The following ELL2 variants were observed in gnomAD, a reference collection of about 807,000 sequenced individuals.
ELL2 encodes the protein RNA polymerase II elongation factor ELL2.
A neutral mutation model predicts 72.8 loss-of-function variants in ELL2; 21 were observed. The observed-to-expected ratio is 0.29, with a 90% CI of 0.20 to 0.42. The LOEUF is 0.42. ELL2 is among the 10% of genes least tolerant of loss of function. The pLI is 1.00. For synonymous variants in ELL2, 266 were observed against 283.2 expected (o/e 0.94, Z 0.61); for missense variants, 568 against 772.8 (o/e 0.73, Z 3.14).
At chr5:95,904,072 T>C (rs911458621) in intron 5 of ELL2, among the ~76,000 whole-genome samples, 1 of 142,370 alleles carries the variant, frequency 7.0e-6, no homozygotes, top group African/African-American at 2.7e-5. Flanking sequence ...AAGTCTTAAA[T>C]GCAGTCTAAA....
intron 10 of ELL2, among the ~76,000 whole-genome samples, chr5:95,889,355 T>C (rs1748576385): frequency 6.6e-6 from 1 of 152,230 alleles, no homozygotes; most frequent in African/African-American, 2.4e-5. Context: ...CCCCAGTGAA[T>C]GACACATATA....
chr5:95,908,685 T>A (rs1749468744), intron 4 of ELL2, among the ~76,000 whole-genome samples: 1 of 152,212 alleles, frequency 6.6e-6, no homozygotes. Flanking sequence ...ATCCACCATT[T>A]CCCAGTTGCA....
At chr5:95,950,228 G>A (rs889843685) in intron 1 of ELL2, among the ~76,000 whole-genome samples, 5 of 152,140 alleles carry the variant, frequency 3.3e-5, no homozygotes, top group Non-Finnish European at 5.9e-5. Flanking sequence ...GGATAAAATA[G>A]ATCATCTTTC....
At position 95,899,472 on chromosome 5, in the gene ELL2, C is replaced by T. The variant is rs1749044841; in HGVS notation, c.955-662G>A. 2.0e-5 allele frequency among the ~76,000 whole-genome samples: 3 copies of T among 151,248 alleles called. No individual in the cohort carries two copies. The South Asian group carries it at 6.3e-4, about 32-fold the overall frequency. On this transcript the variant is annotated intron_variant, in intron 7 of 11. Coordinates refer to ENST00000237853, the MANE Select transcript of ELL2 (RefSeq NM_012081.6). ...TATTTAATTTTTTTTTTTACCGTTA[C>T]ATATCTCTTTACCAGATTGGAAGAT...
chr5:95,949,390 A>T (rs1751290822), intron 1 of ELL2, among the ~76,000 whole-genome samples: 1 of 152,160 alleles, frequency 6.6e-6, no homozygotes, highest in South Asian at 2.1e-4. Flanking sequence ...CCTTATCAAC[A>T]ACTGTCAGTT....
intron 2 of ELL2, among the ~76,000 whole-genome samples, chr5:95,933,199 T>C (rs1207724175): frequency 1.3e-5 from 2 of 152,196 alleles, no homozygotes; most frequent in Non-Finnish European, 2.9e-5. Context: ...AGCAGCAGCT[T>C]TCTGGGGGTG....
intron 2 of ELL2, chr5:95,932,774 G>T (rs933406024): frequency 6.6e-6 from 1 of 152,014 alleles, no homozygotes; most frequent in African/African-American, 2.4e-5. Context: ...CAATGGTAAA[G>T]AAAAATGTCA....
chr5:95,921,721 T>C (rs560726181), intron 2 of ELL2, among the ~76,000 whole-genome samples: 5 of 152,322 alleles, frequency 3.3e-5, no homozygotes, highest in African/African-American at 1.2e-4. Context: ...TGTCTGCTTT[T>C]GTTTCTCTGG....
Position 95,885,217 on chromosome 5 carries a change from G to A in ELL2, c.*3654C>T, listed in dbSNP as rs904569291. On this transcript the variant is annotated 3_prime_UTR_variant, in exon 12 of 12. Transcript: ENST00000237853. ...ATTTTACCTTTGAGAGTCCTAACAC[G>A]GTTTGAGTGGAACAGCTGAGAAACA... 2.8e-4 allele frequency: 42 copies of A among 152,108 alleles called. No homozygotes were observed. Among genetic ancestry groups the A allele is most frequent in the Non-Finnish European group, 2.9e-5 (2 of 68,018 alleles). 9.4% of individuals were successfully genotyped at this position (152,108 alleles called of 1,614,324 possible). A position where few individuals can be genotyped will look rare whatever the true frequency, so the allele number is the denominator to read the frequency against.
intron 4 of ELL2, among the ~76,000 whole-genome samples, chr5:95,907,600 T>C (rs1749425321): frequency 6.6e-6 from 1 of 152,104 alleles, no homozygotes; most frequent in Admixed American, 6.6e-5. Flanking sequence ...TGTGTGAAGC[T>C]ATCCAGACAT....
chr5:95,931,002 C>G, intron 2 of ELL2, among the ~76,000 whole-genome samples: 1 of 152,122 alleles, frequency 6.6e-6, no homozygotes, highest in East Asian at 1.9e-4. Context: ...CTTTTTAAAA[C>G]GCTTTCTTTA....
At position 95,961,722 on chromosome 5, in the gene ELL2, C is replaced by T; in HGVS notation, c.-1G>A. On this transcript the variant is annotated 5_prime_UTR_variant, in exon 1 of 12. Coordinates refer to ENST00000237853, the MANE Select transcript of ELL2 (RefSeq NM_012081.6). ...GGCCCCCTGTCCCCCCCGCCGCCATCTTAAACTCCCCGGGGTGCCGCCGCC... is the reference window on the plus strand; with the variant it reads ...GGCCCCCTGTCCCCCCCGCCGCCATTTTAAACTCCCCGGGGTGCCGCCGCC... 6.2e-7 allele frequency: 1 copy of T among 1,603,106 alleles called. No individual in the cohort carries two copies. Among genetic ancestry groups the T allele is most frequent in the African/African-American group, 1.4e-5 (1 of 74,028 alleles).
At chr5:95,950,886 A>T (rs73771822) in intron 1 of ELL2, among the ~76,000 whole-genome samples, 1 of 71,544 alleles carries the variant, frequency 1.4e-5, no homozygotes, top group South Asian at 4.1e-4. Context: ...TTATATATAT[A>T]TATGTATGTA....
chr5:95,906,059 G>A (rs1204359825), intron 5 of ELL2, among the ~76,000 whole-genome samples: 1 of 152,114 alleles, frequency 6.6e-6, no homozygotes, highest in African/African-American at 2.4e-5. Context: ...CTTAGTGGCA[G>A]AAAAAGATAG....
chr5:95,905,747 G>GTT (rs59880161), intron 5 of ELL2, among the ~76,000 whole-genome samples: 277 of 144,732 alleles, frequency 1.9e-3, no homozygotes, highest in African/African-American at 5.5e-3. Flanking sequence ...AACCTGTAGG[G>GTT]TTTTTTTTTT....
chr5:95,961,649 C>G lies in ELL2; in HGVS notation c.73G>C (p.Asp25His). 6.2e-7 allele frequency: 1 copy of G among 1,610,650 alleles called. No homozygotes were observed. The highest frequency in any genetic ancestry group is 1.1e-5 in the South Asian group (1 of 90,736). ...TTCACATGCAGTACGGTGATGTTGT[C>G]CTGCCCCAGCCGTCCGCACGACAGC... ...YGLSCGRLGQ[D>H]NITVLHVKLT... The change falls in exon 1 of 12, where the codon GAC becomes CAC. Residue 25 changes from aspartate to histidine, a missense_variant. Asp to His is a moderately conservative substitution (Grantham distance 81). This residue lies in a region of ELL2 where 57 missense variants were observed against 44.4 expected (regional missense o/e 1.28). Transcript: ENST00000237853.
intron 4 of ELL2, among the ~76,000 whole-genome samples, chr5:95,908,406 C>G (rs534791361): frequency 3.6e-4 from 55 of 152,256 alleles, no homozygotes; most frequent in Non-Finnish European, 6.3e-4. Context: ...AATTTTCCTG[C>G]CTGTAAGTCT....
At chr5:95,915,176 CA>C in intron 3 of ELL2, among the ~76,000 whole-genome samples, 1 of 152,150 alleles carries the variant, frequency 6.6e-6, no homozygotes, top group Non-Finnish European at 1.5e-5. Context: ...AATCTTGGCT[CA>C]CTGCAAGCTC....
intron 8 of ELL2, among the ~76,000 whole-genome samples, chr5:95,897,874 T>C (rs967279684): frequency 3.3e-5 from 5 of 152,186 alleles, no homozygotes; most frequent in Admixed American, 2.6e-4. Flanking sequence ...ATATTCTTAT[T>C]GCAAATTGTG....
Sources: gnomAD v4.1 joint callset for allele counts (sites outside exome capture counted in the v4.1 genomes callset) on GRCh38, gnomAD v4.1.1 for gene constraint, gnomAD v4.1.1 regional missense constraint, MANE v1.5 for transcripts, NCBI Gene and HGNC (gene_info 2026-07-23, HGNC 2026-07-21) for gene names.